Variants in TBC1D9B observed in about 807,000 individuals in gnomAD.
The protein encoded by TBC1D9B is TBC1 domain family member 9B, also known as TBC1 domain family, member 9B (with GRAM domain).
A neutral mutation model predicts 121.1 loss-of-function variants in TBC1D9B; 87 were observed. That is an observed-to-expected ratio of 0.72 (90% CI 0.60 to 0.86). The LOEUF (loss-of-function observed/expected upper bound fraction) is 0.86, where lower values mean the gene tolerates loss of function less well. TBC1D9B is among the 40% of genes least tolerant of loss of function. The probability of loss-of-function intolerance (pLI) is 0.00; values close to 1 mark genes in which losing one functional copy is unlikely to be tolerated. For synonymous variants in TBC1D9B, 668 were observed against 670.1 expected (o/e 1.00, Z 0.05); for missense variants, 1,540 against 1,628.6 (o/e 0.95, Z 0.94).
Position 179,879,101 on chromosome 5 carries a change from C to T in TBC1D9B, c.1513G>A (p.Val505Ile), listed in dbSNP as rs374982572. Residue 505 changes from valine to isoleucine, a missense_variant, in exon 9 of 21, where the codon GTC becomes ATC. Physicochemically the swap from Val to Ile is conservative, Grantham distance 29. Transcript: ENST00000355235. The stretch of plus-strand genomic sequence containing the variant: ...AGGCTCTCAGGGATACCCTTCAGGA[C>T]CAGTGCCCGCGTCTTGGCTGTGCGG... ...MYRTAKTRAL[V>I]LKGIPESLRG... 1.5e-5 allele frequency: 24 copies of T among 1,607,380 alleles called. No individual in the cohort carries two copies. The African/African-American group carries it at 3.1e-4, about 21-fold the overall frequency.
Position 179,900,304 on chromosome 5 carries a change from C to T in TBC1D9B, c.230-997G>A, listed in dbSNP as rs32457. ...CATTAAGGAATCGGGGAAGAAGCCC[C>T]GGGGGAAGAGCAAAGGGATGAGGGG... On this transcript the variant is annotated intron_variant, in intron 2 of 20. Transcript: ENST00000355235. Among the ~76,000 whole-genome samples the T allele has an allele frequency of 7.4e-3, 1,130 of 152,308 alleles. 9 individuals carry two copies. The highest frequency in any genetic ancestry group is 0.01 in the Non-Finnish European group (685 of 68,038).
Position 179,865,196 on chromosome 5 carries a change from G to A in TBC1D9B, c.3021+58C>T, listed in dbSNP as rs1759971487. The stretch of plus-strand genomic sequence containing the variant: ...GCAGTGCAGGTGCGGTGATGTTAGG[G>A]CCCAGTCTTGGTCAGAACTCTCCAG... On this transcript the variant is annotated intron_variant, in intron 20 of 20. Coordinates refer to ENST00000355235, the MANE Select transcript of TBC1D9B (RefSeq NM_015043.4). This position sits in a 1 kb window ranked among gnomAD's most constrained non-coding sequence, Gnocchi z 5.1. 1 of 1,534,480 alleles carries A rather than the reference G, an allele frequency of 6.5e-7. No homozygotes were observed. The highest frequency in any genetic ancestry group is 9.0e-7 in the Non-Finnish European group (1 of 1,107,748).
At chr5:179,868,724 G>A (rs889782123) in intron 17 of TBC1D9B, 2 of 152,366 alleles carry the variant, frequency 1.3e-5, no homozygotes, top group South Asian at 2.1e-4. Context: ...TTTGCTGGAG[G>A]TCACCAAGCA....
rs540899159 is a variant in TBC1D9B at position 179,903,902 on chromosome 5, G to A, written c.229+800C>T. ...AGCTGAATCAAGAAGGCAGAGCGTC[G>A]TCCTGTTCTGCCTCAGCTGGGGACA... is the stretch of plus-strand genomic sequence containing the variant. On this transcript the variant is annotated intron_variant, in intron 2 of 20. Transcript: ENST00000355235. 8.5e-5 allele frequency among the ~76,000 whole-genome samples: 13 copies of A among 152,282 alleles called. No individual in the cohort carries two copies. The South Asian group carries it at 2.3e-3, about 27-fold the overall frequency.
chr5:179,873,714 C>A (rs1422778782), intron 12 of TBC1D9B, among the ~76,000 whole-genome samples: 1 of 152,162 alleles, frequency 6.6e-6, no homozygotes, highest in Non-Finnish European at 1.5e-5. Flanking sequence ...TCTAGGGACA[C>A]AGTCCTGGGG....
chr5:179,901,332 G>T (rs1169374238), intron 2 of TBC1D9B, among the ~76,000 whole-genome samples: 2 of 151,820 alleles, frequency 1.3e-5, no homozygotes, highest in Non-Finnish European at 2.9e-5. Context: ...TTTCTTTTTC[G>T]GTTTCTTTGC....
In TBC1D9B at chr5:179,907,558, GC is replaced by G; in HGVS notation, c.118+145del. 1 of 295,540 alleles carries G rather than the reference GC, an allele frequency of 3.4e-6. No individual in the cohort carries two copies. Among genetic ancestry groups the G allele is most frequent in the Non-Finnish European group, 4.9e-6 (1 of 202,234 alleles). 18.3% of individuals were successfully genotyped at this position (295,540 alleles called of 1,614,324 possible). A position where few individuals can be genotyped will look rare whatever the true frequency, so the allele number is the denominator to read the frequency against. ...CCCGGCTCCCGGGTCCTGGCCTCGC[GC>G]CCCCGCCCCGCCGCGCGCTGGCGTG... is the stretch of plus-strand genomic sequence containing the variant. On this transcript the variant is annotated intron_variant, in intron 1 of 20. Transcript: ENST00000355235. This position sits in a 1 kb window ranked among gnomAD's most constrained non-coding sequence, Gnocchi z 5.3.
chr5:179,893,754 G>C (rs1323459584), intron 4 of TBC1D9B, among the ~76,000 whole-genome samples: 1 of 152,176 alleles, frequency 6.6e-6, no homozygotes, highest in East Asian at 1.9e-4. Flanking sequence ...CCACCCAGCA[G>C]CTCCCCCAAG....
chr5:179,873,404 C>T (rs1323921763), intron 12 of TBC1D9B, among the ~76,000 whole-genome samples, 156 bp from the exon 13 acceptor site: 2 of 152,196 alleles, frequency 1.3e-5, no homozygotes, highest in Non-Finnish European at 2.9e-5. Flanking sequence ...GAGGTGTGCC[C>T]TGGCAGCGCC....
chr5:179,884,109 G>A (rs1760610481), intron 7 of TBC1D9B, among the ~76,000 whole-genome samples: 1 of 152,104 alleles, frequency 6.6e-6, no homozygotes, highest in Admixed American at 6.6e-5. Flanking sequence ...TCTTTCCTCA[G>A]CCGTATAATA....
chr5:179,887,460 T>C (rs946910805), intron 7 of TBC1D9B, among the ~76,000 whole-genome samples: 41 of 152,226 alleles, frequency 2.7e-4, no homozygotes, highest in African/African-American at 9.7e-4. Flanking sequence ...AACCAGACGA[T>C]GAGAGACTCT....
At chr5:179,903,934 T>C (rs1418182589) in intron 2 of TBC1D9B, among the ~76,000 whole-genome samples, 2 of 152,188 alleles carry the variant, frequency 1.3e-5, no homozygotes, top group Non-Finnish European at 2.9e-5. Context: ...GACATGGGCA[T>C]CAGGCGAGTC....
intron 2 of TBC1D9B, among the ~76,000 whole-genome samples, chr5:179,901,313 A>G (rs1761161507): frequency 6.6e-6 from 1 of 152,138 alleles, no homozygotes; most frequent in African/African-American, 2.4e-5. Context: ...CCTAGTTGGT[A>G]GGTAGAGATT....
chr5:179,898,308 C>T (rs1055984232), intron 3 of TBC1D9B, among the ~76,000 whole-genome samples: 2 of 152,014 alleles, frequency 1.3e-5, no homozygotes, highest in South Asian at 2.1e-4. Context: ...CCCACCACCA[C>T]GCCCGGCTAA....
intron 6 of TBC1D9B, among the ~76,000 whole-genome samples, 193 bp from the exon 7 acceptor site, chr5:179,888,505 C>A (rs1230344452): frequency 6.6e-6 from 1 of 152,114 alleles, no homozygotes; most frequent in South Asian, 2.1e-4. Flanking sequence ...CCTCTAAGGG[C>A]CCGTTTTTCC....
At position 179,899,149 on chromosome 5, in the gene TBC1D9B, C is replaced by G. The variant is rs1233701371; in HGVS notation, c.348+40G>C. 3.9e-6 allele frequency: 6 copies of G among 1,530,928 alleles called. No homozygotes were observed. In the Middle Eastern group the frequency reaches 5.1e-4, roughly 130 times the overall value. 94.8% of individuals were successfully genotyped at this position (1,530,928 alleles called of 1,614,324 possible). A position where few individuals can be genotyped will look rare whatever the true frequency, so the allele number is the denominator to read the frequency against. ...GATAATACACGAGAACACTGCTGGCCAGGGAAGGGTGAGAACAGAGAGTGG... is the reference window on the plus strand; with the variant it reads ...GATAATACACGAGAACACTGCTGGCGAGGGAAGGGTGAGAACAGAGAGTGG... On this transcript the variant is annotated intron_variant, in intron 3 of 20. Transcript: ENST00000355235.
chr5:179,867,310 G>T, intron 18 of TBC1D9B: 2 of 1,025,454 alleles, frequency 2.0e-6, no homozygotes, highest in Non-Finnish European at 2.8e-6. Context: ...CTTGCTTCTG[G>T]GTCCTTCTCA....
At chr5:179,869,640 G>A (rs1170862287) in intron 17 of TBC1D9B, 129 bp downstream of exon 17, 1 of 993,384 alleles carries the variant, frequency 1.0e-6, no homozygotes, top group South Asian at 1.4e-5. Context: ...CTCCTCCAAT[G>A]TGAACCTCCA....
At chr5:179,864,751 G>A (rs887066535) in intron 20 of TBC1D9B, among the ~76,000 whole-genome samples, 9 of 152,254 alleles carry the variant, frequency 5.9e-5, no homozygotes, top group African/African-American at 1.2e-4. Context: ...CAGCTAGACC[G>A]TGGGTCTGGC....
Sources: gnomAD v4.1 joint callset for allele counts (sites outside exome capture counted in the v4.1 genomes callset) on GRCh38, gnomAD v4.1.1 for gene constraint, Gnocchi (gnomAD v3.1) non-coding constraint, MANE v1.5 for transcripts, NCBI Gene and HGNC (gene_info 2026-07-23, HGNC 2026-07-21) for gene names.